Variants in CDH18 observed in about 807,000 individuals in gnomAD.
CDH18 encodes cadherin-18.
A neutral mutation model predicts 67.9 loss-of-function variants in CDH18; 31 were observed. The ratio of observed to expected loss-of-function variants is 0.46; its 90% CI spans 0.34 to 0.62. The LOEUF is 0.62. Among genes scored for constraint, CDH18 ranks in the 20% least tolerant of loss-of-function variants. The pLI, the probability that CDH18 is intolerant of heterozygous loss-of-function variation, is 0.01. For synonymous variants in CDH18, 362 were observed against 347.2 expected (o/e 1.04, Z -0.48); for missense variants, 890 against 975.5 (o/e 0.91, Z 1.17).
At chr5:20,343,190 G>T (rs186999764) in intron 1 of CDH18, among the ~76,000 whole-genome samples, 1 of 152,264 alleles carries the variant, frequency 6.6e-6, no homozygotes, top group East Asian at 1.9e-4. Context: ...AGGCAAAGTG[G>T]CAATAGAATA....
At chr5:20,297,823 C>T (rs780884386) in intron 1 of CDH18, among the ~76,000 whole-genome samples, 6 of 152,166 alleles carry the variant, frequency 3.9e-5, no homozygotes, top group Non-Finnish European at 7.3e-5. Flanking sequence ...CTTCATATTA[C>T]AGAATGAAGT....
At chr5:19,598,236 T>C (rs1461605545) in intron 6 of CDH18, among the ~76,000 whole-genome samples, 1 of 152,146 alleles carries the variant, frequency 6.6e-6, no homozygotes, top group Non-Finnish European at 1.5e-5. Flanking sequence ...AGTACCTCAT[T>C]TCTATTCCTT....
intron 1 of CDH18, among the ~76,000 whole-genome samples, chr5:20,556,573 T>C (rs1416523443): frequency 6.6e-6 from 1 of 152,172 alleles, no homozygotes; most frequent in East Asian, 1.9e-4. Context: ...CAGCAGGCTC[T>C]TGCTTTACAC....
intron 2 of CDH18, among the ~76,000 whole-genome samples, chr5:20,157,074 G>T (rs1159909223): frequency 6.6e-6 from 1 of 152,158 alleles, no homozygotes; most frequent in African/African-American, 2.4e-5. Context: ...TATGGCATGG[G>T]TATGCTGGAC....
chr5:20,397,916 G>A (rs1049927170), intron 1 of CDH18, among the ~76,000 whole-genome samples: 5 of 152,094 alleles, frequency 3.3e-5, no homozygotes, highest in African/African-American at 1.2e-4. Context: ...AAAAATTACA[G>A]TTGTGTTTAA....
At chr5:20,210,105 T>G (rs969987364) in intron 2 of CDH18, among the ~76,000 whole-genome samples, 5 of 151,740 alleles carry the variant, frequency 3.3e-5, no homozygotes, top group African/African-American at 1.2e-4. Flanking sequence ...CTCCATCCAG[T>G]TTCTCAATAT....
chr5:19,636,595 CATTT>C (rs1376988084), intron 5 of CDH18, among the ~76,000 whole-genome samples: 1 of 151,820 alleles, frequency 6.6e-6, no homozygotes, highest in Non-Finnish European at 1.5e-5. Context: ...TAATCTCCAA[CATTT>C]ATTATCAATA....
intron 2 of CDH18, among the ~76,000 whole-genome samples, chr5:20,187,811 T>C (rs944945083): frequency 6.6e-6 from 1 of 151,854 alleles, no homozygotes; most frequent in African/African-American, 2.4e-5. Context: ...AAGGAATGTA[T>C]CTGCACATAT....
chr5:20,528,599 C>T (rs913297039), intron 1 of CDH18, among the ~76,000 whole-genome samples: 17 of 152,000 alleles, frequency 1.1e-4, no homozygotes, highest in Admixed American at 8.5e-4. Context: ...TTAAGAAACC[C>T]ACTCAAAACC....
At chr5:19,961,347 T>A (rs1463775829) in intron 2 of CDH18, among the ~76,000 whole-genome samples, 1 of 151,950 alleles carries the variant, frequency 6.6e-6, no homozygotes, top group Non-Finnish European at 1.5e-5. Flanking sequence ...GACCTCGTGA[T>A]CCACCCGCCT....
At chr5:20,173,000 A>AAAG (rs1345059722) in intron 2 of CDH18, among the ~76,000 whole-genome samples, 13 of 151,592 alleles carry the variant, frequency 8.6e-5, no homozygotes, top group East Asian at 1.9e-4. Context: ...CAAAAAAAAA[A>AAAG]AAAGAAAGAA....
intron 1 of CDH18, among the ~76,000 whole-genome samples, chr5:20,418,572 A>G (rs1040427386): frequency 6.6e-6 from 1 of 152,084 alleles, no homozygotes; most frequent in Admixed American, 6.6e-5. Flanking sequence ...TAAGTCAAAC[A>G]TATAGGTGGG....
chr5:19,579,898 A>ACT (rs1554051321), intron 7 of CDH18, among the ~76,000 whole-genome samples: 32 of 149,342 alleles, frequency 2.1e-4, no homozygotes, highest in Admixed American at 4.0e-4. Context: ...CCTTCAATCC[A>ACT]CCCCCCCCAA....
At chr5:19,832,702 G>A (rs761587805) in intron 3 of CDH18, among the ~76,000 whole-genome samples, 9 of 152,094 alleles carry the variant, frequency 5.9e-5, no homozygotes, top group Non-Finnish European at 8.8e-5. Flanking sequence ...GTTAATGTTC[G>A]TATAAGGTGT....
intron 2 of CDH18, among the ~76,000 whole-genome samples, chr5:19,867,466 CT>C (rs1312282508): frequency 6.6e-6 from 1 of 152,098 alleles, no homozygotes. Flanking sequence ...ATTTTTACAT[CT>C]TATAAGCATC....
chr5:20,490,082 G>T (rs1363261805), intron 1 of CDH18, among the ~76,000 whole-genome samples: 3 of 150,210 alleles, frequency 2.0e-5, no homozygotes, highest in Non-Finnish European at 4.4e-5. Flanking sequence ...TAATATAATT[G>T]TTAATATTAT....
intron 2 of CDH18, among the ~76,000 whole-genome samples, chr5:20,008,398 A>C (rs1737112007): frequency 6.6e-6 from 1 of 152,180 alleles, no homozygotes. Flanking sequence ...CTGTCAGCAG[A>C]AACAAATCTA....
intron 1 of CDH18, among the ~76,000 whole-genome samples, chr5:20,468,172 G>A (rs891170205): frequency 2.0e-5 from 3 of 151,936 alleles, no homozygotes; most frequent in East Asian, 1.9e-4. Context: ...CCACTAAGAC[G>A]TCCAGCTAAT....
intron 1 of CDH18, among the ~76,000 whole-genome samples, chr5:20,444,456 GA>G (rs1219712614): frequency 1.3e-5 from 2 of 152,134 alleles, no homozygotes. Context: ...AAAATCATTG[GA>G]ACCCAGGAGG....
Sources: allele counts gnomAD v4.1 joint callset (sites outside exome capture counted in the v4.1 genomes callset), GRCh38; gene constraint gnomAD v4.1.1; transcripts MANE v1.5; gene names NCBI Gene and HGNC (gene_info 2026-07-23, HGNC 2026-07-21).